SLAIN1: variants seen among roughly 807,000 people sequenced by gnomAD.
SLAIN1 encodes SLAIN family member 1, also known as SLAIN motif-containing protein 1.
Under a neutral mutation model 55.4 loss-of-function variants are expected in SLAIN1, and 17 were observed. The ratio of observed to expected loss-of-function variants is 0.31; its 90% CI spans 0.21 to 0.46. SLAIN1 has a LOEUF of 0.46. Ranked by LOEUF, SLAIN1 falls within the 20% of genes least tolerant of loss-of-function variation. The pLI is 1.00. For missense variants in SLAIN1, 682 were observed against 785.1 expected (o/e 0.87, Z 1.57); for synonymous variants, 348 against 337.4 (o/e 1.03, Z -0.35).
chr13:77,715,489 G>A lies in SLAIN1; in HGVS notation c.627-4043G>A, dbSNP rs146001373. The stretch of plus-strand genomic sequence containing the variant: ...TGTCTGGAACAGAGAGTAAGTGTAG[G>A]TTAACTTTTTAAGAAGCTGCCAAAC... On this transcript the variant is annotated intron_variant, in intron 1 of 6. Coordinates refer to ENST00000418532, the MANE Select transcript of SLAIN1 (RefSeq NM_001242868.2). Among the ~76,000 whole-genome samples the A allele has an allele frequency of 3.3e-5, 5 of 152,226 alleles. No individual in the cohort carries two copies. The East Asian group carries it at 9.6e-4, about 29-fold the overall frequency.
rs528172219 is a variant in SLAIN1 at position 77,711,228 on chromosome 13, C to A, written c.627-8304C>A. Among the ~76,000 whole-genome samples, 7 of 151,520 alleles carry A rather than the reference C, an allele frequency of 4.6e-5. No homozygotes were observed. The East Asian group carries it at 1.2e-3, about 25-fold the overall frequency. ...TAGCAGACAACAAGAAATAACTAAGCAGAACTGAAGGAGATAGAGACATGA... is the reference window on the plus strand; with the variant it reads ...TAGCAGACAACAAGAAATAACTAAGAAGAACTGAAGGAGATAGAGACATGA... On this transcript the variant is annotated intron_variant, in intron 1 of 6. Transcript: ENST00000418532.
chr13:77,750,446 G>A (rs953524002), intron 4 of SLAIN1, among the ~76,000 whole-genome samples: 1 of 152,074 alleles, frequency 6.6e-6, no homozygotes, highest in Non-Finnish European at 1.5e-5. Context: ...GATAGAGGCT[G>A]TCTTTTTTAC....
At chr13:77,702,980 A>C (rs2091046123) in intron 1 of SLAIN1, among the ~76,000 whole-genome samples, 1 of 152,226 alleles carries the variant, frequency 6.6e-6, no homozygotes, top group Admixed American at 6.5e-5. Flanking sequence ...GTGGAAAAGC[A>C]CTGAAGATAG....
chr13:77,698,663 G>A lies in SLAIN1; in HGVS notation c.626+124G>A, dbSNP rs1389238462. ...GCCGGGGTGACTCCCCGCGGCTCCC[G>A]GAGGGGCCGACCCAGCAGGTGTTGA... On this transcript the variant is annotated intron_variant, in intron 1 of 6. Transcript: ENST00000418532. This position sits in a 1 kb window ranked among gnomAD's most constrained non-coding sequence, Gnocchi z 4.1. The A allele has an allele frequency of 1.6e-6, 2 of 1,280,046 alleles. No individual in the cohort carries two copies. Among genetic ancestry groups the A allele is most frequent in the South Asian group, 2.3e-5 (1 of 43,868 alleles). The allele number at this position is 1,280,046 out of a possible 1,614,324, so 79.3% of individuals were successfully genotyped here.
At chr13:77,718,877 G>A (rs900095236) in intron 1 of SLAIN1, among the ~76,000 whole-genome samples, 1 of 152,106 alleles carries the variant, frequency 6.6e-6, no homozygotes, top group African/African-American at 2.4e-5. Context: ...GTGCCTCCGG[G>A]TAGTCATTTT....
At chr13:77,702,683 T>A (rs2091042781) in intron 1 of SLAIN1, among the ~76,000 whole-genome samples, 1 of 151,532 alleles carries the variant, frequency 6.6e-6, no homozygotes, top group South Asian at 2.1e-4. Context: ...ATCAGATTAT[T>A]TGTCCAGATT....
At chr13:77,729,801 G>A (rs1429345167) in intron 2 of SLAIN1, among the ~76,000 whole-genome samples, 1 of 152,096 alleles carries the variant, frequency 6.6e-6, no homozygotes, top group Non-Finnish European at 1.5e-5. Flanking sequence ...ATAATGATGC[G>A]AATGGCAGCC....
At chr13:77,741,934 C>T (rs922666198) in intron 2 of SLAIN1, among the ~76,000 whole-genome samples, 2 of 151,888 alleles carry the variant, frequency 1.3e-5, no homozygotes, top group Non-Finnish European at 2.9e-5. Context: ...GAAGTTTAGC[C>T]TTGTTTATAT....
At chr13:77,716,279 A>G (rs969790868) in intron 1 of SLAIN1, among the ~76,000 whole-genome samples, 16 of 151,116 alleles carry the variant, frequency 1.1e-4, no homozygotes, top group Admixed American at 8.6e-4. Flanking sequence ...TTTATGCTAC[A>G]CTAAACTGTT....
intron 2 of SLAIN1, among the ~76,000 whole-genome samples, chr13:77,730,702 AAC>A (rs1490836617): frequency 6.6e-6 from 1 of 152,124 alleles, no homozygotes; most frequent in African/African-American, 2.4e-5. Flanking sequence ...TATTTCAAGA[AAC>A]AGTGTATTTA....
chr13:77,733,900 AAGGG>A (rs1872994415), intron 2 of SLAIN1, among the ~76,000 whole-genome samples: 1 of 152,142 alleles, frequency 6.6e-6, no homozygotes, highest in African/African-American at 2.4e-5. Flanking sequence ...ACTGCTCCAG[AAGGG>A]TTGCTCAGGT....
intron 1 of SLAIN1, among the ~76,000 whole-genome samples, chr13:77,705,899 G>A (rs1433688895): frequency 6.6e-6 from 1 of 151,876 alleles, no homozygotes; most frequent in African/African-American, 2.4e-5. Context: ...AGAAACACTA[G>A]GCTCAAAGCT....
chr13:77,701,912 C>A (rs2091034797), intron 1 of SLAIN1, among the ~76,000 whole-genome samples: 2 of 112,462 alleles, frequency 1.8e-5, no homozygotes, highest in Non-Finnish European at 3.6e-5. Flanking sequence ...TGCTATCCCT[C>A]CCCCCTCCCC....
At chr13:77,758,951 G>GT (rs1267282704) in intron 5 of SLAIN1, among the ~76,000 whole-genome samples, 1 of 151,744 alleles carries the variant, frequency 6.6e-6, no homozygotes, top group African/African-American at 2.4e-5. Flanking sequence ...TGTTTGGATT[G>GT]TTTTTTCTAG....
intron 2 of SLAIN1, among the ~76,000 whole-genome samples, chr13:77,740,826 A>AG (rs1873388797): frequency 6.6e-6 from 1 of 152,032 alleles, no homozygotes; most frequent in East Asian, 1.9e-4. Context: ...TATGTACTGA[A>AG]GAACAACTAG....
chr13:77,712,637 A>G lies in SLAIN1; in HGVS notation c.627-6895A>G, dbSNP rs546778211. Among the ~76,000 whole-genome samples, 3 of 152,294 alleles carry G rather than the reference A, an allele frequency of 2.0e-5. No individual in the cohort carries two copies. The East Asian group carries it at 5.8e-4, about 29-fold the overall frequency. On this transcript the variant is annotated intron_variant, in intron 1 of 6. Coordinates refer to ENST00000418532, the MANE Select transcript of SLAIN1 (RefSeq NM_001242868.2). ...ATCGTCAAAATGGCCATACTGCCCA[A>G]AGTAATTTATAGATTCAGTGCCATC...
intron 2 of SLAIN1, among the ~76,000 whole-genome samples, chr13:77,722,308 G>A (rs957224442): frequency 2.0e-5 from 3 of 151,988 alleles, no homozygotes; most frequent in Non-Finnish European, 4.4e-5. Context: ...TAATCCTGTT[G>A]AGATAAGAAG....
chr13:77,707,141 AC>A (rs1221164796), intron 1 of SLAIN1, among the ~76,000 whole-genome samples: 1 of 151,558 alleles, frequency 6.6e-6, no homozygotes. Context: ...TTTTTTAAGA[AC>A]TTGTAACAGA....
chr13:77,698,566 G>T lies in SLAIN1; in HGVS notation c.626+27G>T. The T allele has an allele frequency of 7.2e-7, 1 of 1,391,768 alleles. No homozygotes were observed. The highest frequency in any genetic ancestry group is 1.6e-5 in the South Asian group (1 of 61,588). The allele number at this position is 1,391,768 out of a possible 1,614,324, so 86.2% of individuals were successfully genotyped here. A position where few individuals can be genotyped will look rare whatever the true frequency, so the allele number is the denominator to read the frequency against. On this transcript the variant is annotated intron_variant, in intron 1 of 6. Transcript: ENST00000418532. This position sits in a 1 kb window ranked among gnomAD's most constrained non-coding sequence, Gnocchi z 4.1. The stretch of plus-strand genomic sequence containing the variant: ...TACTGCCTGGCTCCGCTCCTTCCCC[G>T]AGACCCTGGCCTCGGGGGCTTCGGG...
Sources: allele counts gnomAD v4.1 joint callset (sites outside exome capture counted in the v4.1 genomes callset), GRCh38; gene constraint gnomAD v4.1.1; non-coding constraint Gnocchi (gnomAD v3.1); transcripts MANE v1.5; gene names NCBI Gene and HGNC (gene_info 2026-07-23, HGNC 2026-07-21).